MICAL3: variants seen among roughly 807,000 people sequenced by gnomAD.
MICAL3 encodes [F-actin]-monooxygenase MICAL3.
In MICAL3, 62 loss-of-function variants were observed where a neutral mutation model predicts 207.4. That is an observed-to-expected ratio of 0.30 (90% CI 0.24 to 0.37). The LOEUF (loss-of-function observed/expected upper bound fraction) is 0.37. MICAL3 is among the 10% of genes least tolerant of loss of function. The probability of loss-of-function intolerance (pLI) is 1.00; values close to 1 mark genes in which losing one functional copy is unlikely to be tolerated. For missense variants in MICAL3, 2,368 were observed against 2,635.6 expected (o/e 0.90, Z 2.22); for synonymous variants, 1,077 against 1,069.3 (o/e 1.01, Z -0.14).
chr22:18,015,677 G>A (rs1003919419), intron 1 of MICAL3, among the ~76,000 whole-genome samples: 1 of 151,978 alleles, frequency 6.6e-6, no homozygotes, highest in Admixed American at 6.6e-5. Flanking sequence ...CTCCGACCAC[G>A]CGCGACCCTA....
At chr22:17,864,140 A>C (rs1482816133) in intron 19 of MICAL3, 2 of 987,782 alleles carry the variant, frequency 2.0e-6, no homozygotes, top group Non-Finnish European at 2.4e-6. Context: ...AATTCTTCCC[A>C]ACAGGCCTGG....
rs771760773 is a variant in MICAL3, at chr22:17,899,569, T to C, written c.848-21A>G. 2.0e-5 allele frequency: 30 copies of C among 1,505,982 alleles called. 1 individual carries two copies. Among genetic ancestry groups the C allele is most frequent in the Middle Eastern group, 3.4e-4 (2 of 5,924 alleles). The allele number at this position is 1,505,982 out of a possible 1,614,324, so 93.3% of individuals were successfully genotyped here. A position where few individuals can be genotyped will look rare whatever the true frequency, so the allele number is the denominator to read the frequency against. On this transcript the variant is annotated intron_variant, in intron 6 of 31. Coordinates refer to ENST00000441493, the MANE Select transcript of MICAL3 (RefSeq NM_015241.3). ...AATACCTGGGGCCAGAAGACAAACGTGTGCATGTAAGTTTGCTGAGATGAA... is the reference window on the plus strand; with the variant it reads ...AATACCTGGGGCCAGAAGACAAACGCGTGCATGTAAGTTTGCTGAGATGAA...
At chr22:17,946,124 G>A (rs551723461) in intron 1 of MICAL3, among the ~76,000 whole-genome samples, 35 of 152,170 alleles carry the variant, frequency 2.3e-4, no homozygotes, top group Non-Finnish European at 4.9e-4. Context: ...CCTTGGCTGG[G>A]TATTCCTGGG....
chr22:17,917,305 G>A (rs1409903086), intron 1 of MICAL3, among the ~76,000 whole-genome samples: 1 of 152,184 alleles, frequency 6.6e-6, no homozygotes. Context: ...GCTCGCCAGA[G>A]CCTGTTCCTT....
intron 29 of MICAL3, among the ~76,000 whole-genome samples, chr22:17,806,140 C>T (rs1028137318): frequency 1.3e-5 from 2 of 152,200 alleles, no homozygotes; most frequent in African/African-American, 4.8e-5. Flanking sequence ...TTCCGCCTCT[C>T]TCTGTGTGTA....
At chr22:17,876,795 G>A (rs1380595461) in intron 16 of MICAL3, 5 of 123,054 alleles carry the variant, frequency 4.1e-5, no homozygotes, top group African/African-American at 1.8e-4. Context: ...GGAGGTTAGG[G>A]AAGTTATGGA....
At chr22:17,973,969 T>C (rs1470287020) in intron 1 of MICAL3, among the ~76,000 whole-genome samples, 1 of 152,176 alleles carries the variant, frequency 6.6e-6, no homozygotes, top group Non-Finnish European at 1.5e-5. Context: ...ACAAGTCCCC[T>C]GAGCTCCTCC....
rs140141336 is a variant in MICAL3 at position 17,864,013 on chromosome 22, C to T, written c.2605+886G>A. On this transcript the variant is annotated intron_variant, in intron 19 of 31. Transcript: ENST00000441493. ...GCCACAGTGACCCTGGGCCGTGAAC[C>T]ACCTGGAGCTGTATGTGGGACATTC... 24 of 985,518 alleles carry T rather than the reference C, an allele frequency of 2.4e-5. No individual in the cohort carries two copies. In the East Asian group the frequency reaches 2.4e-3, roughly 98 times the overall value. 61.0% of individuals were successfully genotyped at this position (985,518 alleles called of 1,614,324 possible).
Position 17,850,400 on chromosome 22 carries a change from G to GTTTTTTTTTT in MICAL3, c.2606-8393_2606-8384dup, listed in dbSNP as rs565667574. On this transcript the variant is annotated intron_variant, in intron 19 of 31. Coordinates refer to ENST00000441493, the MANE Select transcript of MICAL3 (RefSeq NM_015241.3). Reference sequence around the variant, plus strand: ...CTGTGGAACTTTTGCTTTTGAATTAGTTTTTTTTTTTTTTTTTTTTTTTTT... The same window carrying GTTTTTTTTTT: ...CTGTGGAACTTTTGCTTTTGAATTAGTTTTTTTTTTTTTTTTTTTTTTTTTTTTTTTTTTT... Among the ~76,000 whole-genome samples the GTTTTTTTTTT allele has an allele frequency of 6.7e-4, 50 of 74,414 alleles. 11 individuals are homozygous for GTTTTTTTTTT. Among genetic ancestry groups the GTTTTTTTTTT allele is most frequent in the Non-Finnish European group, 1.0e-3 (40 of 38,954 alleles). The allele number at this position is 74,414 out of a possible 152,430, so 48.8% of individuals were successfully genotyped here. A position where few individuals can be genotyped will look rare whatever the true frequency, so the allele number is the denominator to read the frequency against.
intron 1 of MICAL3, among the ~76,000 whole-genome samples, chr22:17,957,971 T>C (rs1396471545): frequency 1.3e-5 from 2 of 152,098 alleles, no homozygotes; most frequent in African/African-American, 4.8e-5. Context: ...CTCGTGGAGT[T>C]AGACCAAGGA....
At chr22:17,951,319 C>T (rs1934340106) in intron 1 of MICAL3, among the ~76,000 whole-genome samples, 1 of 152,162 alleles carries the variant, frequency 6.6e-6, no homozygotes, top group Non-Finnish European at 1.5e-5. Flanking sequence ...CTCTCCACGT[C>T]CATCTTCATG....
In MICAL3 at chr22:17,841,655, G is replaced by A. The variant is rs79958615; in HGVS notation, c.2801+167C>T. The A allele has an allele frequency of 6.4e-3, 4,112 of 644,100 alleles. 99 individuals carry two copies. Among genetic ancestry groups the A allele is most frequent in the African/African-American group, 0.057 (3,158 of 54,988 alleles). 39.9% of individuals were successfully genotyped at this position (644,100 alleles called of 1,614,324 possible). A position where few individuals can be genotyped will look rare whatever the true frequency, so the allele number is the denominator to read the frequency against. The stretch of plus-strand genomic sequence containing the variant: ...TGAGTCTGATGGAGGAGTCCTCACT[G>A]ACTAGAAGATGAGGCTAAGAACCTA... On this transcript the variant is annotated intron_variant, in intron 20 of 31. Coordinates refer to ENST00000441493, the MANE Select transcript of MICAL3 (RefSeq NM_015241.3). This position sits in a 1 kb window ranked among gnomAD's most constrained non-coding sequence, Gnocchi z 4.2.
intron 1 of MICAL3, among the ~76,000 whole-genome samples, chr22:17,956,674 G>A (rs142885468): frequency 6.1e-4 from 93 of 152,246 alleles, no homozygotes; most frequent in African/African-American, 2.0e-3. Flanking sequence ...CTGCGACTAC[G>A]ACTTAGCTCC....
In MICAL3 at chr22:17,817,561, C is replaced by T. The variant is rs751532105; in HGVS notation, c.5100G>A (p.Ser1700=). 1.1e-5 allele frequency: 18 copies of T among 1,613,250 alleles called. No individual in the cohort carries two copies. The Admixed American group carries it at 1.5e-4, about 13-fold the overall frequency. The part of the protein sequence containing the change: ...EGSSGKSKKR[S]SLFSPRRNKK... The stretch of plus-strand genomic sequence containing the variant: ...TGTTTCTGCGGGGGGAGAAGAGTGA[C>T]GACCTCTTCTTGCTCTTCCCACTGG... Residue 1700 remains serine, a synonymous_variant, in exon 26 of 32, where the codon TCG becomes TCA. Transcript: ENST00000441493.
chr22:18,007,284 G>A (rs1208826708), intron 1 of MICAL3: 1 of 152,094 alleles, frequency 6.6e-6, no homozygotes, highest in Non-Finnish European at 1.5e-5. Context: ...GTGTTTTCTT[G>A]TATTTTTCTG....
chr22:17,816,600 G>T, intron 27 of MICAL3, 90 bp downstream of exon 27: 1 of 1,071,368 alleles, frequency 9.3e-7, no homozygotes, highest in Non-Finnish European at 1.4e-6. Flanking sequence ...CTGGCTTGCG[G>T]TTTGCTCTCC....
intron 1 of MICAL3, among the ~76,000 whole-genome samples, chr22:17,935,713 G>C (rs1933484296): frequency 6.6e-6 from 1 of 152,076 alleles, no homozygotes; most frequent in South Asian, 2.1e-4. Context: ...AATTTACAAA[G>C]AACTCAAACA....
chr22:17,872,759 G>A (rs781243752), intron 16 of MICAL3: 20 of 1,611,034 alleles, frequency 1.2e-5, no homozygotes, highest in African/African-American at 1.3e-5. Context: ...GTTCCTTCTT[G>A]TCTAGAAGGG....
At chr22:17,809,593 G>A (rs967179717) in intron 28 of MICAL3, among the ~76,000 whole-genome samples, 2 of 152,236 alleles carry the variant, frequency 1.3e-5, no homozygotes, top group Non-Finnish European at 2.9e-5. Context: ...CAGCGCCACT[G>A]CGCGTCCAGC....
Sources: allele counts gnomAD v4.1 joint callset (sites outside exome capture counted in the v4.1 genomes callset), GRCh38; gene constraint gnomAD v4.1.1; non-coding constraint Gnocchi (gnomAD v3.1); transcripts MANE v1.5; gene names NCBI Gene and HGNC (gene_info 2026-07-23, HGNC 2026-07-21).